NDUFAF5: variants seen among roughly 807,000 people sequenced by gnomAD.
The protein encoded by NDUFAF5 is NADH:ubiquinone oxidoreductase complex assembly factor 5.
Under a neutral mutation model 48.9 loss-of-function variants are expected in NDUFAF5, and 34 were observed. The ratio of observed to expected loss-of-function variants is 0.70; its 90% CI spans 0.53 to 0.93. The LOEUF (loss-of-function observed/expected upper bound fraction) is 0.93. NDUFAF5 is among the 40% of genes least tolerant of loss of function. NDUFAF5 has a pLI of 0.00. For synonymous variants in NDUFAF5, 153 were observed against 150.6 expected, an observed-to-expected ratio of 1.02 and a Z score of -0.12; for missense variants, 428 against 427.5, an observed-to-expected ratio of 1.00 and a Z score of -0.01.
Position 13,817,595 on chromosome 20 carries a change from T to G in NDUFAF5, c.*385T>G, listed in dbSNP as rs116836137. 282 of 457,254 alleles carry G rather than the reference T, an allele frequency of 6.2e-4. 1 individual carries two copies. The highest frequency in any genetic ancestry group is 5.2e-3 in the African/African-American group (262 of 50,290). 28.3% of individuals were successfully genotyped at this position (457,254 alleles called of 1,614,324 possible). On this transcript the variant is annotated 3_prime_UTR_variant, in exon 11 of 11. Coordinates refer to ENST00000378106, the MANE Select transcript of NDUFAF5 (RefSeq NM_024120.5). The stretch of plus-strand genomic sequence containing the variant: ...GATGAATATGCACCTTCTCCAGAGT[T>G]ATGTGGTTTTAGAATTTAGAAGAGC...
At chr20:13,799,369 A>G (rs1353662243) in intron 6 of NDUFAF5, among the ~76,000 whole-genome samples, 1 of 152,174 alleles carries the variant, frequency 6.6e-6, no homozygotes, top group Non-Finnish European at 1.5e-5. Context: ...TTTGTGTTAA[A>G]TAGCTCTGCG....
rs1980783105 is a variant in NDUFAF5, at chr20:13,785,265, C to G, written c.197C>G (p.Thr66Ser). 10 of 1,612,300 alleles carry G rather than the reference C, an allele frequency of 6.2e-6. No individual in the cohort carries two copies. The highest frequency in any genetic ancestry group is 8.5e-6 in the Non-Finnish European group (10 of 1,179,288). ...KNWAARQPEP[T>S]KFDYLKEEVG... ...TGGGCAGCCCGGCAGCCCGAGCCGA[C>G]CAAATTTGACTACCTGAAGGAGGAG... Residue 66 changes from threonine to serine, a missense_variant, in exon 1 of 11, where the codon ACC becomes AGC. Transcript: ENST00000378106.
intron 3 of NDUFAF5, among the ~76,000 whole-genome samples, chr20:13,790,791 C>G (rs1982156349): frequency 6.6e-6 from 1 of 152,218 alleles, no homozygotes; most frequent in South Asian, 2.1e-4. Context: ...GCTCTATGCT[C>G]TTCCCCAAGG....
chr20:13,807,335 C>T (rs1016381316), intron 7 of NDUFAF5, among the ~76,000 whole-genome samples: 3 of 152,226 alleles, frequency 2.0e-5, no homozygotes, highest in African/African-American at 4.8e-5. Flanking sequence ...CATGAGCCAT[C>T]GTGCCTGTCC....
Position 13,785,132 on chromosome 20 carries a change from G to A in NDUFAF5, c.64G>A (p.Glu22Lys), listed in dbSNP as rs1437092412. 4 of 1,613,868 alleles carry A rather than the reference G, an allele frequency of 2.5e-6. No individual in the cohort carries two copies. In the African/African-American group the frequency reaches 4.0e-5, roughly 16 times the overall value. Residue 22 changes from glutamate to lysine, a missense_variant, in exon 1 of 11, where the codon GAG becomes AAG. Transcript: ENST00000378106. ...RRPWAARVPA[E>K]NLGRREVTSG... is the part of the protein sequence containing the mutation. ...ACCTTGGGCGGCGAGGGTCCCAGCG[G>A]AGAATCTTGGCCGTAGGGAAGTCAC...
intron 5 of NDUFAF5, among the ~76,000 whole-genome samples, chr20:13,795,946 G>A (rs1983146387): frequency 6.6e-6 from 1 of 152,164 alleles, no homozygotes; most frequent in Non-Finnish European, 1.5e-5. Context: ...ATAGGTTATA[G>A]GATACAAGGC....
chr20:13,797,192 A>G (rs989342369), intron 5 of NDUFAF5, among the ~76,000 whole-genome samples: 2 of 152,236 alleles, frequency 1.3e-5, no homozygotes, highest in African/African-American at 4.8e-5. Context: ...GTTGTTTCCT[A>G]CAAAACTAAA....
In NDUFAF5 at chr20:13,785,067, A is replaced by G. The variant is rs369187296; in HGVS notation, c.-2A>G. Reference sequence around the variant, plus strand: ...CGCCGGCAATTGGGGTCGCAGCTGGAGATGCTGCGGCCGGCAGGGCTCTGG... The same window carrying G: ...CGCCGGCAATTGGGGTCGCAGCTGGGGATGCTGCGGCCGGCAGGGCTCTGG... On this transcript the variant is annotated 5_prime_UTR_variant, in exon 1 of 11. Transcript: ENST00000378106. 18 of 1,610,300 alleles carry G rather than the reference A, an allele frequency of 1.1e-5. No homozygotes were observed. Among genetic ancestry groups the G allele is most frequent in the East Asian group, 6.7e-5 (3 of 44,844 alleles).
intron 7 of NDUFAF5, among the ~76,000 whole-genome samples, chr20:13,803,933 G>A (rs1004655248): frequency 2.6e-5 from 4 of 151,952 alleles, no homozygotes; most frequent in Admixed American, 2.0e-4. Context: ...TTACAGGCAC[G>A]TGCCACCACG....
chr20:13,804,267 A>G (rs1984668277), intron 7 of NDUFAF5, among the ~76,000 whole-genome samples: 1 of 152,134 alleles, frequency 6.6e-6, no homozygotes, highest in African/African-American at 2.4e-5. Context: ...ATAAGAGGTA[A>G]AAAGCCAAAT....
chr20:13,814,413 C>A, intron 8 of NDUFAF5: 1 of 1,276,930 alleles, frequency 7.8e-7, no homozygotes, highest in Non-Finnish European at 1.0e-6. Context: ...ATTATTAATT[C>A]ACAGAACAAA....
chr20:13,789,060 T>G (rs879261037), intron 3 of NDUFAF5, among the ~76,000 whole-genome samples: 2 of 152,240 alleles, frequency 1.3e-5, no homozygotes, highest in Non-Finnish European at 2.9e-5. Context: ...TTATTAATGC[T>G]TATAACATTG....
At chr20:13,800,403 CTACTG>C (rs1983942866) in intron 6 of NDUFAF5, among the ~76,000 whole-genome samples, 1 of 152,126 alleles carries the variant, frequency 6.6e-6, no homozygotes, top group African/African-American at 2.4e-5. Flanking sequence ...TTAGAAGAGC[CTACTG>C]TGATTTGGAT....
chr20:13,817,991 A>G lies in NDUFAF5; in HGVS notation c.*781A>G. 2.2e-6 allele frequency: 1 copy of G among 454,194 alleles called. No homozygotes were observed. The highest frequency in any genetic ancestry group is 4.4e-6 in the Non-Finnish European group (1 of 226,800). The allele number at this position is 454,194 out of a possible 1,614,324, so 28.1% of individuals were successfully genotyped here. A position where few individuals can be genotyped will look rare whatever the true frequency, so the allele number is the denominator to read the frequency against. ...GCAGGGAGAAGGCTGAGAAGCAAGC[A>G]GGAGTGAGCGCTAAGTGTTTTGTTT... On this transcript the variant is annotated 3_prime_UTR_variant, in exon 11 of 11. Transcript: ENST00000378106.
rs763023951 is a variant in NDUFAF5, at chr20:13,785,092, G to A, written c.24G>A (p.Trp8Ter). 3.7e-6 allele frequency: 6 copies of A among 1,612,876 alleles called. No homozygotes were observed. Among genetic ancestry groups the A allele is most frequent in the South Asian group, 3.3e-5 (3 of 91,014 alleles). Residue 8 changes from tryptophan to a stop codon, truncating the protein, a stop_gained, in exon 1 of 11, where the codon TGG (tryptophan) becomes TGA (stop). Coordinates refer to ENST00000378106, the MANE Select transcript of NDUFAF5 (RefSeq NM_024120.5). LOFTEE classifies it high-confidence loss of function. MLRPAGL[W>*]RLCRRPWAAR... ...AGATGCTGCGGCCGGCAGGGCTCTGGCGCTTATGTCGGCGACCTTGGGCGG... is the reference window on the plus strand; with the variant it reads ...AGATGCTGCGGCCGGCAGGGCTCTGACGCTTATGTCGGCGACCTTGGGCGG...
intron 3 of NDUFAF5, among the ~76,000 whole-genome samples, chr20:13,792,839 TA>T (rs1460234383): frequency 6.6e-6 from 1 of 152,118 alleles, no homozygotes; most frequent in African/African-American, 2.4e-5. Context: ...GATGAACAAC[TA>T]AAAGGCGGGA....
At chr20:13,793,078 A>G in intron 3 of NDUFAF5, 102 bp from the exon 4 acceptor site, 1 of 1,306,692 alleles carries the variant, frequency 7.7e-7, no homozygotes, top group East Asian at 2.3e-5. Flanking sequence ...ATACCTTTAC[A>G]AAGCTGAAAA....
At chr20:13,796,675 T>C (rs1224342860) in intron 5 of NDUFAF5, among the ~76,000 whole-genome samples, 1 of 151,858 alleles carries the variant, frequency 6.6e-6, no homozygotes, top group African/African-American at 2.4e-5. Context: ...TAGGTGAGAG[T>C]AGGGTCAAAA....
At chr20:13,803,800 G>C (rs796911093) in intron 7 of NDUFAF5, among the ~76,000 whole-genome samples, 4 of 141,222 alleles carry the variant, frequency 2.8e-5, no homozygotes, top group Non-Finnish European at 6.3e-5. Flanking sequence ...TTTTTTTTTT[G>C]GGGGGGGGAC....
Sources: allele counts gnomAD v4.1 joint callset (sites outside exome capture counted in the v4.1 genomes callset), GRCh38; gene constraint gnomAD v4.1.1; transcripts MANE v1.5; gene names NCBI Gene and HGNC (gene_info 2026-07-23, HGNC 2026-07-21).